HMCN1: variants seen among roughly 807,000 people sequenced by gnomAD.
HMCN1 encodes the protein hemicentin 1, also known as hemicentin-1.
A neutral mutation model predicts 625.9 loss-of-function variants in HMCN1; 321 were observed. The observed-to-expected ratio is 0.51, with a 90% CI of 0.47 to 0.56. The LOEUF (loss-of-function observed/expected upper bound fraction) is 0.56. Ranked by LOEUF, HMCN1 falls within the 20% of genes least tolerant of loss-of-function variation. The pLI is 0.00. For synonymous variants in HMCN1, 2,425 were observed against 2,417.6 expected, an observed-to-expected ratio of 1.00 and a Z score of -0.09; for missense variants, 6,588 against 6,887.3, an observed-to-expected ratio of 0.96 and a Z score of 1.54.
rs971795775 is a variant in HMCN1, at chr1:185,797,839, G to A, written c.269-48187G>A. On this transcript the variant is annotated intron_variant, in intron 1 of 106. Coordinates refer to ENST00000271588, the MANE Select transcript of HMCN1 (RefSeq NM_031935.3). ...AAATTAGCCGGGCGTAGTGGCGGGC[G>A]CCTGTAGTCCCAGCTACTTGGGAGG... Among the ~76,000 whole-genome samples the A allele has an allele frequency of 1.3e-3, 179 of 139,186 alleles. 34 individuals carry two copies. Among genetic ancestry groups the A allele is most frequent in the African/African-American group, 5.3e-3 (168 of 31,548 alleles). 91.3% of individuals were successfully genotyped at this position (139,186 alleles called of 152,430 possible).
intron 1 of HMCN1, among the ~76,000 whole-genome samples, chr1:185,830,139 G>A (rs536984804): frequency 6.6e-6 from 1 of 151,940 alleles, no homozygotes; most frequent in African/African-American, 2.4e-5. Flanking sequence ...TGTAAATCCT[G>A]GATATTAGAC....
intron 1 of HMCN1, among the ~76,000 whole-genome samples, chr1:185,803,203 AGC>A (rs150449996): frequency 2.1e-3 from 257 of 124,274 alleles, no homozygotes; most frequent in East Asian, 2.8e-3. Flanking sequence ...AAAAAAAAAA[AGC>A]AAAAAAAAAA....
Position 186,117,541 on chromosome 1 carries a change from A to C in HMCN1, c.11766A>C (p.Gly3922=). The change falls in exon 77 of 107, where the codon GGA becomes GGC. Residue 3922 remains glycine (G), a synonymous_variant. Transcript: ENST00000271588. ...CAGTAATTACCTGCACTGCTTCGGG[A>C]GTTCCATTTCCCTCAATTCACTGGA... ...APAVITCTAS[G]VPFPSIHWTK... 1 of 1,613,832 alleles carries C rather than the reference A, an allele frequency of 6.2e-7. No individual in the cohort carries two copies. Among genetic ancestry groups the C allele is most frequent in the South Asian group, 1.1e-5 (1 of 91,072 alleles).
chr1:185,970,803 C>T (rs999556666), intron 15 of HMCN1, among the ~76,000 whole-genome samples: 13 of 151,886 alleles, frequency 8.6e-5, no homozygotes, highest in Non-Finnish European at 1.8e-4. Flanking sequence ...GGATTGCAGG[C>T]GCCTGCCACC....
chr1:185,985,893 T>G (rs1651968139), intron 19 of HMCN1, among the ~76,000 whole-genome samples: 1 of 152,200 alleles, frequency 6.6e-6, no homozygotes, highest in South Asian at 2.1e-4. Flanking sequence ...CAAAACAGTT[T>G]AATTGTCATA....
At chr1:186,053,181 A>C in intron 43 of HMCN1, 107 bp downstream of exon 43, 1 of 1,054,168 alleles carries the variant, frequency 9.5e-7, no homozygotes, top group South Asian at 1.4e-5. Context: ...TGGGGTTTGC[A>C]TACTAAATGC....
chr1:186,021,905 C>T (rs1654746739), intron 35 of HMCN1, among the ~76,000 whole-genome samples: 1 of 151,896 alleles, frequency 6.6e-6, no homozygotes, highest in Non-Finnish European at 1.5e-5. Context: ...TATTATAATC[C>T]CACAGTGGCT....
chr1:185,740,298 T>G (rs1035975094), intron 1 of HMCN1, among the ~76,000 whole-genome samples: 1 of 152,128 alleles, frequency 6.6e-6, no homozygotes, highest in East Asian at 1.9e-4. Context: ...GACAGGACAC[T>G]ATTGTATAAT....
At chr1:186,069,436 A>G (rs1217030862) in intron 50 of HMCN1, among the ~76,000 whole-genome samples, 1 of 152,198 alleles carries the variant, frequency 6.6e-6, no homozygotes, top group Admixed American at 6.5e-5. Flanking sequence ...GGTCTGAATG[A>G]GCATGAGAGT....
At chr1:185,806,008 T>C (rs1413924535) in intron 1 of HMCN1, among the ~76,000 whole-genome samples, 1 of 152,092 alleles carries the variant, frequency 6.6e-6, no homozygotes, top group African/African-American at 2.4e-5. Context: ...GGAAGAGTCA[T>C]TCTAGCTTAA....
intron 19 of HMCN1, among the ~76,000 whole-genome samples, chr1:185,984,657 C>G (rs1651890736): frequency 6.6e-6 from 1 of 152,140 alleles, no homozygotes; most frequent in South Asian, 2.1e-4. Flanking sequence ...ATTGCCTTTT[C>G]TTTTTGGATT....
intron 9 of HMCN1, among the ~76,000 whole-genome samples, chr1:185,928,335 G>C (rs944261944): frequency 1.2e-4 from 18 of 152,030 alleles, no homozygotes; most frequent in Admixed American, 3.9e-4. Context: ...TATTGTTTAT[G>C]TTGTGTCTTT....
chr1:185,758,071 A>G (rs569566794), intron 1 of HMCN1, among the ~76,000 whole-genome samples: 10 of 152,344 alleles, frequency 6.6e-5, no homozygotes, highest in African/African-American at 2.4e-4. Context: ...AAATGTCTAC[A>G]GTGTGACTTA....
chr1:185,973,229 A>AACAGCTGTTTAATG (rs1650952543), intron 15 of HMCN1, among the ~76,000 whole-genome samples: 1 of 152,168 alleles, frequency 6.6e-6, no homozygotes, highest in South Asian at 2.1e-4. Context: ...CTGTTTAATG[A>AACAGCTGTTTAATG]AACATGTATC....
At chr1:185,869,830 A>G (rs954038403) in intron 4 of HMCN1, among the ~76,000 whole-genome samples, 1 of 152,178 alleles carries the variant, frequency 6.6e-6, no homozygotes, top group Non-Finnish European at 1.5e-5. Flanking sequence ...TTTAATAGAC[A>G]TAAGAACTTC....
chr1:185,845,365 G>A (rs971955027), intron 1 of HMCN1, among the ~76,000 whole-genome samples: 23 of 152,038 alleles, frequency 1.5e-4, no homozygotes, highest in African/African-American at 5.6e-4. Context: ...CTACAGGCAT[G>A]TGCCACCATG....
At chr1:186,020,502 C>T (rs192519732) in intron 35 of HMCN1, among the ~76,000 whole-genome samples, 92 of 152,072 alleles carry the variant, frequency 6.0e-4, no homozygotes, top group African/African-American at 2.1e-3. Context: ...GTGAAAGATT[C>T]AGTTTTTAGC....
In HMCN1 at chr1:186,123,123, A is replaced by G. The variant is rs147832290; in HGVS notation, c.12402A>G (p.Gln4134=). Residue 4134 remains glutamine (Q), a synonymous_variant, in exon 81 of 107, where the codon CAA becomes CAG. Transcript: ENST00000271588. The part of the protein sequence containing the change: ...RQRVLSSGSL[Q]IAFVQPGDAG... Reference sequence around the variant, plus strand: ...GCGTCCTCAGCTCTGGCTCTCTGCAAATAGCATTTGTCCAGCCTGGTGATG... The same window carrying G: ...GCGTCCTCAGCTCTGGCTCTCTGCAGATAGCATTTGTCCAGCCTGGTGATG... 1.7e-5 allele frequency: 27 copies of G among 1,614,082 alleles called. 1 individual carries two copies. In the African/African-American group the frequency reaches 2.4e-4, roughly 14 times the overall value.
intron 36 of HMCN1, among the ~76,000 whole-genome samples, chr1:186,031,409 T>C (rs1337584386): frequency 6.6e-6 from 1 of 152,064 alleles, no homozygotes; most frequent in African/African-American, 2.4e-5. Context: ...TCTTTGTACA[T>C]AAGTCACTTC....
Sources: gnomAD v4.1 joint callset for allele counts (sites outside exome capture counted in the v4.1 genomes callset) on GRCh38, gnomAD v4.1.1 for gene constraint, MANE v1.5 for transcripts, NCBI Gene and HGNC (gene_info 2026-07-23, HGNC 2026-07-21) for gene names.